CD200R1: variants seen among roughly 807,000 people sequenced by gnomAD.
CD200R1 encodes the protein cell surface glycoprotein CD200 receptor 1.
In CD200R1, 30 loss-of-function variants were observed where a neutral mutation model predicts 38.1. The ratio of observed to expected loss-of-function variants is 0.79; its 90% CI spans 0.59 to 1.07. The LOEUF (loss-of-function observed/expected upper bound fraction) is 1.07. Ranked by LOEUF, CD200R1 falls within the 50% of genes least tolerant of loss-of-function variation. CD200R1 has a pLI of 0.00. For synonymous variants in CD200R1, 128 were observed against 152.1 expected (o/e 0.84, Z 1.16); for missense variants, 372 against 415.4 (o/e 0.90, Z 0.91).
At chr3:112,947,984 C>T (rs1940901410) in intron 1 of CD200R1, 60 bp from the exon 2 acceptor site, 2 of 1,012,898 alleles carry the variant, frequency 2.0e-6, no homozygotes, top group African/African-American at 1.6e-5. Context: ...AGATCTGACT[C>T]CTAGTTAAAA....
chr3:112,958,735 C>T (rs560903075), intron 1 of CD200R1, among the ~76,000 whole-genome samples: 2 of 152,106 alleles, frequency 1.3e-5, no homozygotes, highest in Non-Finnish European at 1.5e-5. Flanking sequence ...AAACACAAAA[C>T]AAAATATAAA....
intron 3 of CD200R1, 115 bp from the exon 4 acceptor site, chr3:112,929,622 C>A: frequency 1.1e-6 from 1 of 932,732 alleles, no homozygotes; most frequent in Non-Finnish European, 1.6e-6. Flanking sequence ...GATCTTATTC[C>A]AAAAATATTA....
At chr3:112,951,673 TGAACTTA>T (rs2107328378) in intron 1 of CD200R1, among the ~76,000 whole-genome samples, 1 of 151,692 alleles carries the variant, frequency 6.6e-6, no homozygotes. Flanking sequence ...TAGAACTAAA[TGAACTTA>T]GTAAAGTAAT....
intron 1 of CD200R1, among the ~76,000 whole-genome samples, chr3:112,953,053 C>T (rs1314392345): frequency 6.6e-6 from 1 of 152,138 alleles, no homozygotes; most frequent in Non-Finnish European, 1.5e-5. Context: ...AGAGGAAAGG[C>T]TTTCCATTTT....
intron 1 of CD200R1, among the ~76,000 whole-genome samples, chr3:112,969,907 C>T (rs1421366012): frequency 6.6e-6 from 1 of 152,016 alleles, no homozygotes; most frequent in Non-Finnish European, 1.5e-5. Flanking sequence ...TACAGTGACT[C>T]ACGCCTGTAA....
chr3:112,923,828 T>C (rs768257284), intron 7 of CD200R1, 29 bp from the exon 8 acceptor site: 2 of 1,404,640 alleles, frequency 1.4e-6, no homozygotes, highest in South Asian at 1.3e-5. Context: ...TTAAAATCAA[T>C]TCAAAAAATC....
intron 1 of CD200R1, among the ~76,000 whole-genome samples, chr3:112,955,264 G>A (rs1211409664): frequency 2.0e-5 from 3 of 152,182 alleles, no homozygotes; most frequent in African/African-American, 7.2e-5. Context: ...GGTCTACAAT[G>A]TAGTTTAAAT....
At position 112,947,861 on chromosome 3, in the gene CD200R1, G is replaced by T. The variant is rs746611512; in HGVS notation, c.131C>A (p.Ala44Asp). ...LMLQTSKENH[A>D]LASSSLCMDE... ...TGTTAAAAGATGCACATTACCTAAAGCATGATTCTCCTTGCTAGTTTGCAG... is the reference window on the plus strand; with the variant it reads ...TGTTAAAAGATGCACATTACCTAAATCATGATTCTCCTTGCTAGTTTGCAG... Residue 44 changes from alanine (A) to aspartate (D), a missense_variant, in exon 2 of 8, where the codon GCT becomes GAT. By Grantham distance (126) the Ala-to-Asp change is moderately radical. Coordinates refer to ENST00000308611, the MANE Select transcript of CD200R1 (RefSeq NM_138806.4). The T allele has an allele frequency of 7.5e-6, 12 of 1,607,112 alleles. No homozygotes were observed. Among genetic ancestry groups the T allele is most frequent in the Non-Finnish European group, 1.0e-5 (12 of 1,173,814 alleles).
intron 1 of CD200R1, among the ~76,000 whole-genome samples, chr3:112,958,421 G>A (rs1380483353): frequency 1.3e-5 from 2 of 152,076 alleles, no homozygotes; most frequent in African/African-American, 4.8e-5. Flanking sequence ...AATATAAAAT[G>A]CTAAGTAATC....
Position 112,931,188 on chromosome 3 carries a change from G to A in CD200R1, c.137-17C>T. The A allele has an allele frequency of 6.6e-7, 1 of 1,520,902 alleles. No individual in the cohort carries two copies. Among genetic ancestry groups the A allele is most frequent in the Non-Finnish European group, 9.1e-7 (1 of 1,095,332 alleles). 94.2% of individuals were successfully genotyped at this position (1,520,902 alleles called of 1,614,324 possible). ...TGCTTGAAGCTAGAAAATATTTAGA[G>A]AAGAATAAATGAAATCAATTTTATG... On this transcript the variant is annotated splice_polypyrimidine_tract_variant and intron_variant, in intron 2 of 7. Transcript: ENST00000308611.
At chr3:112,938,226 T>C (rs535142075) in intron 2 of CD200R1, among the ~76,000 whole-genome samples, 1 of 152,120 alleles carries the variant, frequency 6.6e-6, no homozygotes, top group South Asian at 2.1e-4. Context: ...TCCAATACCA[T>C]GTTAAATAGA....
intron 1 of CD200R1, 46 bp from the exon 2 acceptor site, chr3:112,947,970 T>G: frequency 2.3e-5 from 25 of 1,106,942 alleles, no homozygotes; most frequent in Middle Eastern, 2.0e-4. Context: ...AAATATGCAT[T>G]AATAGATCTG....
rs187333147 is a variant in CD200R1 at position 112,934,307 on chromosome 3, G to A, written c.137-3136C>T. On this transcript the variant is annotated intron_variant, in intron 2 of 7. Transcript: ENST00000308611. The stretch of plus-strand genomic sequence containing the variant: ...GCAGATTTCTCATCAGAAACCTTAT[G>A]GGCCAAGAGAAAATGGAGTGATACA... Among the ~76,000 whole-genome samples the A allele has an allele frequency of 4.6e-3, 693 of 152,024 alleles. 2 individuals are homozygous for A. The highest frequency in any genetic ancestry group is 8.4e-3 in the Non-Finnish European group (568 of 68,004).
intron 2 of CD200R1, among the ~76,000 whole-genome samples, chr3:112,936,316 C>A (rs1275992947): frequency 3.9e-5 from 6 of 152,246 alleles, no homozygotes; most frequent in Admixed American, 6.5e-5. Context: ...TGGGTATATA[C>A]CCAGTAATCA....
In CD200R1 at chr3:112,927,109, G is replaced by C. The variant is rs535969927; in HGVS notation, c.769+1707C>G. ...CCAACTAGCAGAAAAAGGGGAGATT[G>C]GCAGATTGGTCCAAAGAAGATGAAC... On this transcript the variant is annotated intron_variant, in intron 5 of 7. Coordinates refer to ENST00000308611, the MANE Select transcript of CD200R1 (RefSeq NM_138806.4). Among the ~76,000 whole-genome samples the C allele has an allele frequency of 5.9e-5, 9 of 152,190 alleles. No homozygotes were observed. The East Asian group carries it at 1.5e-3, about 26-fold the overall frequency.
chr3:112,955,444 T>G (rs116058451), intron 1 of CD200R1, among the ~76,000 whole-genome samples: 1,770 of 152,250 alleles, frequency 0.012, 31 homozygotes, highest in African/African-American at 0.04. Flanking sequence ...TATTTACAAT[T>G]GTTATATGCT....
chr3:112,931,735 G>A (rs1313472577), intron 2 of CD200R1, among the ~76,000 whole-genome samples: 2 of 152,010 alleles, frequency 1.3e-5, no homozygotes, highest in Admixed American at 6.6e-5. Flanking sequence ...CTGACTAGAG[G>A]CCCCTGGTGC....
In CD200R1 at chr3:112,958,646, T is replaced by C. The variant is rs545167283; in HGVS notation, c.68-10722A>G. 5.9e-5 allele frequency among the ~76,000 whole-genome samples: 9 copies of C among 152,242 alleles called. No homozygotes were observed. The South Asian group carries it at 1.9e-3, about 32-fold the overall frequency. On this transcript the variant is annotated intron_variant, in intron 1 of 7. Transcript: ENST00000308611. ...TACATAAATTATTCTTCCATAAAGCTGAAAGGAGATAACTAAAAACAGCAT... is the reference window on the plus strand; with the variant it reads ...TACATAAATTATTCTTCCATAAAGCCGAAAGGAGATAACTAAAAACAGCAT...
intron 1 of CD200R1, among the ~76,000 whole-genome samples, chr3:112,955,929 C>T (rs1941089204): frequency 6.6e-6 from 1 of 151,910 alleles, no homozygotes; most frequent in African/African-American, 2.4e-5. Flanking sequence ...TTGCTGCCTT[C>T]AGGATCCTCT....
Sources: allele counts gnomAD v4.1 joint callset (sites outside exome capture counted in the v4.1 genomes callset), GRCh38; gene constraint gnomAD v4.1.1; transcripts MANE v1.5; gene names NCBI Gene and HGNC (gene_info 2026-07-23, HGNC 2026-07-21).